Variants in WDR72 observed in about 807,000 individuals in gnomAD.
The protein encoded by WDR72 is WD repeat domain 72.
Under a neutral mutation model 124.2 loss-of-function variants are expected in WDR72, and 120 were observed. That is an observed-to-expected ratio of 0.97 (90% CI 0.83 to 1.12). The LOEUF (loss-of-function observed/expected upper bound fraction) is 1.12. Ranked by LOEUF, WDR72 falls within the 50% of genes most tolerant of loss-of-function variation. The pLI is 0.00. For missense variants in WDR72, 1,387 were observed against 1,278.8 expected, an observed-to-expected ratio of 1.08 and a Z score of -1.29; for synonymous variants, 452 against 441.7, an observed-to-expected ratio of 1.02 and a Z score of -0.29.
chr15:53,552,152 GTT>G (rs1491534906), intron 18 of WDR72, among the ~76,000 whole-genome samples: 1 of 150,914 alleles, frequency 6.6e-6, no homozygotes, highest in Non-Finnish European at 1.5e-5. Flanking sequence ...GTGTGTGTGT[GTT>G]TATGTATGTA....
chr15:53,641,978 GA>G (rs534998966), intron 14 of WDR72, among the ~76,000 whole-genome samples: 1 of 151,452 alleles, frequency 6.6e-6, no homozygotes, highest in African/African-American at 2.4e-5. Context: ...TAAGCTGTCA[GA>G]AAAAAATGTT....
intron 13 of WDR72, among the ~76,000 whole-genome samples, chr15:53,666,329 T>C (rs1005588030): frequency 1.3e-5 from 2 of 152,164 alleles, no homozygotes; most frequent in Non-Finnish European, 2.9e-5. Flanking sequence ...ATTTCTTATG[T>C]TATTAGAAGG....
At chr15:53,534,377 T>G (rs1458545211) in intron 18 of WDR72, among the ~76,000 whole-genome samples, 1 of 152,148 alleles carries the variant, frequency 6.6e-6, no homozygotes, top group African/African-American at 2.4e-5. Flanking sequence ...TAAAATAATA[T>G]GAGTCATGCG....
intron 14 of WDR72, among the ~76,000 whole-genome samples, chr15:53,647,232 GAAGA>G (rs2015075098): frequency 6.6e-6 from 1 of 151,996 alleles, no homozygotes; most frequent in Non-Finnish European, 1.5e-5. Flanking sequence ...CTGAATTATA[GAAGA>G]AACTAAAGGT....
intron 1 of WDR72, among the ~76,000 whole-genome samples, chr15:53,742,038 A>T (rs991722407): frequency 1.3e-5 from 2 of 152,146 alleles, no homozygotes; most frequent in African/African-American, 4.8e-5. Context: ...TGATCTAGAT[A>T]ATTCTTACGA....
chr15:53,625,334 G>A (rs192507750), intron 14 of WDR72, among the ~76,000 whole-genome samples: 130 of 152,236 alleles, frequency 8.5e-4, no homozygotes, highest in African/African-American at 3.0e-3. Flanking sequence ...GTGATTTCCA[G>A]GTATTGCATC....
At chr15:53,557,640 G>A (rs1566959469) in intron 18 of WDR72, among the ~76,000 whole-genome samples, 1 of 151,926 alleles carries the variant, frequency 6.6e-6, no homozygotes, top group Non-Finnish European at 1.5e-5. Flanking sequence ...ATCTGGCTGA[G>A]GTCAAGAGAG....
intron 8 of WDR72, 60 bp from the exon 9 acceptor site, chr15:53,711,013 TC>T: frequency 7.0e-7 from 1 of 1,423,478 alleles, no homozygotes; most frequent in Non-Finnish European, 9.8e-7. Flanking sequence ...TCGTTTTTTT[TC>T]CCCCTCCCAC....
chr15:53,732,161 T>C (rs2018221078), intron 2 of WDR72, among the ~76,000 whole-genome samples: 2 of 152,210 alleles, frequency 1.3e-5, no homozygotes, highest in South Asian at 4.1e-4. Flanking sequence ...ATGCAGTTCT[T>C]GGCAGTCCTG....
Position 53,598,723 on chromosome 15 carries a change from A to G in WDR72, c.2953-1449T>C. On this transcript the variant is annotated intron_variant, in intron 17 of 19. Coordinates refer to ENST00000360509, the MANE Select transcript of WDR72 (RefSeq NM_182758.4). Reference sequence around the variant, plus strand: ...TTAAGGAGTGAAAAAAGGCTAAGGAATAGTAGAATATCACTATTGCATACC... The same window carrying G: ...TTAAGGAGTGAAAAAAGGCTAAGGAGTAGTAGAATATCACTATTGCATACC... Among the ~76,000 whole-genome samples the G allele has an allele frequency of 2.0e-5, 3 of 152,334 alleles. No homozygotes were observed. In the Middle Eastern group the frequency reaches 0.01, roughly 518 times the overall value.
chr15:53,740,235 T>C (rs920982675), intron 1 of WDR72, among the ~76,000 whole-genome samples: 1 of 152,146 alleles, frequency 6.6e-6, no homozygotes, highest in Non-Finnish European at 1.5e-5. Context: ...AGATCAGTCC[T>C]TACTTACGTA....
chr15:53,529,629 C>T (rs1169189068), intron 18 of WDR72, among the ~76,000 whole-genome samples: 1 of 151,974 alleles, frequency 6.6e-6, no homozygotes, highest in African/African-American at 2.4e-5. Context: ...TAAGGAGGTT[C>T]TCAATGATTG....
chr15:53,568,910 A>AATGGTAGG (rs1453924121), intron 18 of WDR72, among the ~76,000 whole-genome samples: 3 of 152,030 alleles, frequency 2.0e-5, no homozygotes, highest in Non-Finnish European at 4.4e-5. Context: ...TACCACAAAG[A>AATGGTAGG]ATGGTACGAT....
chr15:53,711,081 G>A, intron 8 of WDR72, 128 bp from the exon 9 acceptor site: 1 of 939,358 alleles, frequency 1.1e-6, no homozygotes, highest in Non-Finnish European at 1.6e-6. Flanking sequence ...AAATTGTTGG[G>A]TTAATAATTA....
chr15:53,727,121 AG>A (rs769504570), intron 2 of WDR72, among the ~76,000 whole-genome samples: 6 of 151,494 alleles, frequency 4.0e-5, no homozygotes, highest in Non-Finnish European at 7.4e-5. Context: ...AGACCAGCCT[AG>A]CCAACATAGT....
intron 13 of WDR72, among the ~76,000 whole-genome samples, chr15:53,691,200 C>T (rs2016827922): frequency 6.6e-6 from 1 of 152,104 alleles, no homozygotes; most frequent in African/African-American, 2.4e-5. Flanking sequence ...CTGGCACGTA[C>T]CACTGTGCCT....
chr15:53,604,173 A>G (rs934894847), intron 17 of WDR72, among the ~76,000 whole-genome samples: 8 of 152,082 alleles, frequency 5.3e-5, no homozygotes, highest in African/African-American at 2.4e-5. Flanking sequence ...CAGAAATAAG[A>G]TCACACACCT....
At chr15:53,525,716 T>C (rs1892076833) in intron 18 of WDR72, among the ~76,000 whole-genome samples, 1 of 152,042 alleles carries the variant, frequency 6.6e-6, no homozygotes, top group African/African-American at 2.4e-5. Flanking sequence ...ATGCTACAAC[T>C]TTGCTTCCAC....
At chr15:53,572,498 G>A (rs773871316) in intron 18 of WDR72, among the ~76,000 whole-genome samples, 2 of 151,990 alleles carry the variant, frequency 1.3e-5, no homozygotes, top group African/African-American at 4.8e-5. Flanking sequence ...GAAAATAAAG[G>A]AAAATATTTG....
Sources: allele counts gnomAD v4.1 joint callset (sites outside exome capture counted in the v4.1 genomes callset), GRCh38; gene constraint gnomAD v4.1.1; transcripts MANE v1.5; gene names NCBI Gene and HGNC (gene_info 2026-07-23, HGNC 2026-07-21).